The following DNAI2 variants were observed in gnomAD, a reference collection of about 807,000 sequenced individuals.
DNAI2 encodes the protein dynein axonemal intermediate chain 2.
In DNAI2, 63 loss-of-function variants were observed where a neutral mutation model predicts 74.7. That is an observed-to-expected ratio of 0.84 (90% confidence interval 0.69 to 1.04). DNAI2 has a LOEUF of 1.04. Among genes scored for constraint, DNAI2 ranks in the 50% least tolerant of loss-of-function variants. The pLI, the probability that DNAI2 is intolerant of heterozygous loss-of-function variation, is 0.00. For synonymous variants in DNAI2, 289 were observed against 314.9 expected (o/e 0.92, Z 0.87); for missense variants, 688 against 803.2 (o/e 0.86, Z 1.73).
At chr17:74,276,452 C>T (rs1393989915) in intron 1 of DNAI2, among the ~76,000 whole-genome samples, 1 of 152,224 alleles carries the variant, frequency 6.6e-6, no homozygotes, top group Non-Finnish European at 1.5e-5. Flanking sequence ...CATGCAGACA[C>T]TCCTGCTCAG....
intron 8 of DNAI2, 42 bp from the exon 9 acceptor site, chr17:74,305,177 T>C: frequency 6.2e-7 from 1 of 1,603,604 alleles, no homozygotes; most frequent in Non-Finnish European, 8.5e-7. Flanking sequence ...CCAGAATTGA[T>C]GGTTCGTGGA....
chr17:74,288,796 A>G (rs80326419), intron 4 of DNAI2, among the ~76,000 whole-genome samples: 452 of 152,296 alleles, frequency 3.0e-3, no homozygotes, highest in Non-Finnish European at 5.3e-3. Flanking sequence ...GGTTTTGACC[A>G]TGAAGAAAAA....
chr17:74,303,258 G>T (rs1335802232), intron 8 of DNAI2, among the ~76,000 whole-genome samples: 1 of 152,154 alleles, frequency 6.6e-6, no homozygotes, highest in African/African-American at 2.4e-5. Context: ...CTGAGGCCCA[G>T]AGTGTCCACC....
At chr17:74,302,345 A>T (rs2052906137) in intron 8 of DNAI2, among the ~76,000 whole-genome samples, 1 of 152,188 alleles carries the variant, frequency 6.6e-6, no homozygotes, top group Admixed American at 6.5e-5. Flanking sequence ...AGGCGGGCGG[A>T]TCACCTGAGG....
chr17:74,304,196 T>C (rs550692353), intron 8 of DNAI2, among the ~76,000 whole-genome samples: 4 of 126,964 alleles, frequency 3.2e-5, no homozygotes, highest in East Asian at 4.3e-4. Context: ...CTTTTTTTTT[T>C]TTTTTTTTTT....
chr17:74,299,588 C>A, intron 6 of DNAI2, 130 bp from the exon 7 acceptor site: 1 of 1,231,418 alleles, frequency 8.1e-7, no homozygotes, highest in South Asian at 1.4e-5. Flanking sequence ...TGATTTGAAC[C>A]AAGCCCTGAT....
At chr17:74,289,262 C>T (rs890832311) in intron 4 of DNAI2, among the ~76,000 whole-genome samples, 3 of 152,194 alleles carry the variant, frequency 2.0e-5, no homozygotes, top group African/African-American at 7.2e-5. Flanking sequence ...CACTGTGGCT[C>T]ACGCCTATAA....
At chr17:74,298,674 C>T (rs571069635) in intron 6 of DNAI2, among the ~76,000 whole-genome samples, 12 of 152,268 alleles carry the variant, frequency 7.9e-5, no homozygotes, top group Middle Eastern at 3.4e-3. Flanking sequence ...ACGATCATGG[C>T]TCACTGCAGC....
At chr17:74,309,157 A>C (rs1440700950) in intron 9 of DNAI2, 96 bp from the exon 10 acceptor site, 6 of 1,394,498 alleles carry the variant, frequency 4.3e-6, no homozygotes, top group Non-Finnish European at 5.0e-6. Flanking sequence ...ACCTAGCAAG[A>C]CTCTGAGATC....
At chr17:74,297,967 G>A (rs1598308701) in intron 6 of DNAI2, among the ~76,000 whole-genome samples, 2 of 152,158 alleles carry the variant, frequency 1.3e-5, no homozygotes, top group African/African-American at 2.4e-5. Context: ...CTAAGGCCCC[G>A]ATCTCCCTCT....
At chr17:74,284,401 ACTTTTTCTTTTTT>A (rs1180995310) in intron 2 of DNAI2, among the ~76,000 whole-genome samples, 3 of 151,916 alleles carry the variant, frequency 2.0e-5, no homozygotes, top group African/African-American at 2.4e-5. Flanking sequence ...AAGGCTATTC[ACTTTTTCTTTTTT>A]CTTTTTCTTT....
intron 2 of DNAI2, among the ~76,000 whole-genome samples, chr17:74,282,712 A>G (rs1044634087): frequency 3.9e-5 from 6 of 152,250 alleles, no homozygotes; most frequent in Non-Finnish European, 5.9e-5. Context: ...CCACGATAAG[A>G]GAACTTATCT....
intron 2 of DNAI2, among the ~76,000 whole-genome samples, chr17:74,284,785 G>A (rs1390899099): frequency 6.6e-6 from 1 of 152,170 alleles, no homozygotes; most frequent in Non-Finnish European, 1.5e-5. Flanking sequence ...ATTCAGATAA[G>A]GTCAGAACAG....
At chr17:74,291,660 A>C (rs1172897298) in intron 6 of DNAI2, among the ~76,000 whole-genome samples, 1 of 152,220 alleles carries the variant, frequency 6.6e-6, no homozygotes, top group Non-Finnish European at 1.5e-5. Context: ...TTAGCTCAAA[A>C]TAAACAGTTT....
chr17:74,311,216 G>A (rs891589575), intron 11 of DNAI2, among the ~76,000 whole-genome samples: 7 of 152,198 alleles, frequency 4.6e-5, no homozygotes, highest in Non-Finnish European at 7.3e-5. Flanking sequence ...AGATAGAAGG[G>A]GACTTGAAGA....
intron 12 of DNAI2, among the ~76,000 whole-genome samples, chr17:74,312,454 C>T (rs1275932171): frequency 1.3e-5 from 2 of 152,154 alleles, no homozygotes; most frequent in African/African-American, 4.8e-5. Context: ...GAACCATACT[C>T]CATGCCTCCT....
At chr17:74,291,155 T>C (rs1423829500) in intron 6 of DNAI2, 22 bp downstream of exon 6, 1 of 1,510,520 alleles carries the variant, frequency 6.6e-7, no homozygotes, top group East Asian at 2.3e-5. Context: ...CCTAGGCTTT[T>C]TTATTTTTAT....
At chr17:74,308,001 T>C (rs1304240559) in intron 9 of DNAI2, among the ~76,000 whole-genome samples, 3 of 152,104 alleles carry the variant, frequency 2.0e-5, no homozygotes, top group Non-Finnish European at 4.4e-5. Context: ...TTCTGCCATG[T>C]TGGCCAGGCT....
intron 3 of DNAI2, among the ~76,000 whole-genome samples, chr17:74,286,021 C>T (rs549406809): frequency 6.6e-6 from 1 of 151,370 alleles, no homozygotes; most frequent in Admixed American, 6.6e-5. Flanking sequence ...TTGGGCTGGG[C>T]TTGGTGGCTC....
Sources: allele counts gnomAD v4.1 joint callset (sites outside exome capture counted in the v4.1 genomes callset), GRCh38; gene constraint gnomAD v4.1.1; transcripts MANE v1.5; gene names NCBI Gene and HGNC (gene_info 2026-07-23, HGNC 2026-07-21).